The following COL25A1 variants were observed in gnomAD, a reference collection of about 807,000 sequenced individuals.
COL25A1 encodes the protein collagen type XXV alpha 1 chain, also known as collagen alpha-1(XXV) chain.
In COL25A1, 103 loss-of-function variants were observed where a neutral mutation model predicts 128.4. The observed-to-expected ratio is 0.80, with a 90% confidence interval of 0.68 to 0.94. The LOEUF (loss-of-function observed/expected upper bound fraction) is 0.94, where lower values mean the gene tolerates loss of function less well. COL25A1 is among the 40% of genes least tolerant of loss of function. The pLI, the probability that COL25A1 is intolerant of heterozygous loss-of-function variation, is 0.00. For synonymous variants in COL25A1, 279 were observed against 277.2 expected (o/e 1.01, Z -0.06); for missense variants, 745 against 840.0 (o/e 0.89, Z 1.40).
intron 30 of COL25A1, among the ~76,000 whole-genome samples, chr4:108,844,187 A>G (rs1734802357): frequency 6.6e-6 from 1 of 152,138 alleles, no homozygotes; most frequent in Admixed American, 6.5e-5. Context: ...GCCAATTCTA[A>G]ATCTTATTCT....
chr4:109,187,851 A>AAAATT (rs773889076), intron 3 of COL25A1, among the ~76,000 whole-genome samples: 2 of 152,200 alleles, frequency 1.3e-5, no homozygotes, highest in Admixed American at 6.5e-5. Context: ...AGGGAAAAAT[A>AAAATT]AAATTAAATT....
intron 3 of COL25A1, among the ~76,000 whole-genome samples, chr4:109,127,447 G>T (rs1342654945): frequency 6.6e-6 from 1 of 151,884 alleles, no homozygotes; most frequent in East Asian, 1.9e-4. Context: ...CAGCTCTAGT[G>T]GTTATTAGTT....
intron 26 of COL25A1, among the ~76,000 whole-genome samples, chr4:108,851,259 C>A (rs189781841): frequency 2.0e-5 from 3 of 151,884 alleles, no homozygotes; most frequent in Non-Finnish European, 4.4e-5. Flanking sequence ...AAATCCCACA[C>A]CTTATATTAA....
At chr4:108,821,109 A>G (rs998926258) in intron 35 of COL25A1, among the ~76,000 whole-genome samples, 2 of 152,248 alleles carry the variant, frequency 1.3e-5, no homozygotes, top group African/African-American at 2.4e-5. Context: ...AAAGGTTAAA[A>G]GAGATATACA....
intron 3 of COL25A1, among the ~76,000 whole-genome samples, chr4:109,162,841 T>A (rs1201249676): frequency 5.9e-5 from 9 of 152,138 alleles, no homozygotes; most frequent in Admixed American, 5.9e-4. Flanking sequence ...GAAGAGTTAA[T>A]GACCTCCTCT....
chr4:109,122,641 C>T (rs1434054489), intron 3 of COL25A1, among the ~76,000 whole-genome samples: 1 of 152,010 alleles, frequency 6.6e-6, no homozygotes, highest in Non-Finnish European at 1.5e-5. Context: ...GATTATGGGA[C>T]TGTGATGAAT....
chr4:109,279,149 A>G (rs913455505), intron 3 of COL25A1, among the ~76,000 whole-genome samples: 1 of 152,162 alleles, frequency 6.6e-6, no homozygotes, highest in African/African-American at 2.4e-5. Context: ...CCCAAACCAC[A>G]TCAAAAAATC....
intron 5 of COL25A1, among the ~76,000 whole-genome samples, chr4:109,018,454 C>T (rs933469710): frequency 5.9e-5 from 9 of 152,114 alleles, no homozygotes; most frequent in African/African-American, 2.2e-4. Flanking sequence ...AAATTCCTGA[C>T]CTCAGGTGAT....
chr4:108,973,975 G>A (rs886088103), intron 8 of COL25A1, among the ~76,000 whole-genome samples: 10 of 152,188 alleles, frequency 6.6e-5, no homozygotes, highest in African/African-American at 2.2e-4. Flanking sequence ...AAACATTTAT[G>A]CAATAGCACG....
intron 3 of COL25A1, among the ~76,000 whole-genome samples, chr4:109,075,192 ATGG>A (rs1217067942): frequency 6.6e-6 from 1 of 152,162 alleles, no homozygotes; most frequent in African/African-American, 2.4e-5. Context: ...GCTAGAATCT[ATGG>A]TGGAAGTTTT....
chr4:108,916,455 A>G (rs775777013), intron 13 of COL25A1, among the ~76,000 whole-genome samples: 3 of 152,116 alleles, frequency 2.0e-5, no homozygotes, highest in Non-Finnish European at 1.5e-5. Context: ...AGTGTATGTG[A>G]CAGTTTTAAA....
intron 32 of COL25A1, among the ~76,000 whole-genome samples, chr4:108,831,237 C>G (rs1026249350): frequency 1.3e-5 from 2 of 151,736 alleles, no homozygotes; most frequent in Non-Finnish European, 2.9e-5. Context: ...GATAATTAAT[C>G]AATTATAATG....
chr4:109,169,912 T>A (rs995260469), intron 3 of COL25A1, among the ~76,000 whole-genome samples: 2 of 152,138 alleles, frequency 1.3e-5, no homozygotes, highest in Non-Finnish European at 1.5e-5. Context: ...ATATTTAAAA[T>A]TCCATACTTA....
chr4:109,057,669 T>C (rs3096489), intron 3 of COL25A1, among the ~76,000 whole-genome samples: 74,882 of 151,620 alleles, frequency 0.49, 20,271 homozygotes, highest in African/African-American at 0.7. Flanking sequence ...CTGTGGTAAA[T>C]CTAATTCTCA....
chr4:109,042,342 C>A (rs377294762), intron 5 of COL25A1, among the ~76,000 whole-genome samples: 6 of 152,224 alleles, frequency 3.9e-5, no homozygotes, highest in African/African-American at 1.4e-4. Flanking sequence ...TTTCTGCTTT[C>A]TGTCCTAGAA....
At chr4:109,170,186 T>G (rs185083553) in intron 3 of COL25A1, among the ~76,000 whole-genome samples, 10 of 152,108 alleles carry the variant, frequency 6.6e-5, no homozygotes, top group Non-Finnish European at 1.0e-4. Context: ...TCTATGTTTA[T>G]TTTTCTGATA....
chr4:109,065,346 A>G (rs924406401), intron 3 of COL25A1, among the ~76,000 whole-genome samples: 1 of 152,164 alleles, frequency 6.6e-6, no homozygotes, highest in Non-Finnish European at 1.5e-5. Context: ...TGATAAATCA[A>G]TAGCCAGTCC....
chr4:109,191,698 A>G (rs1237040039), intron 3 of COL25A1, among the ~76,000 whole-genome samples: 1 of 152,212 alleles, frequency 6.6e-6, no homozygotes, highest in Non-Finnish European at 1.5e-5. Context: ...AGAAGCACTT[A>G]TATATATAGC....
At chr4:109,116,188 T>C (rs1349433980) in intron 3 of COL25A1, among the ~76,000 whole-genome samples, 1 of 152,024 alleles carries the variant, frequency 6.6e-6, no homozygotes, top group African/African-American at 2.4e-5. Context: ...GTGAGTTTTA[T>C]CTCTAGGAGC....
Sources: gnomAD v4.1 joint callset for allele counts (sites outside exome capture counted in the v4.1 genomes callset) on GRCh38, gnomAD v4.1.1 for gene constraint, MANE v1.5 for transcripts, NCBI Gene and HGNC (gene_info 2026-07-23, HGNC 2026-07-21) for gene names.